Variants in SEPTIN11 observed in about 807,000 individuals in gnomAD.
SEPTIN11 encodes septin-11.
SEPTIN11 carries 25 observed loss-of-function variants against 51.4 expected under a neutral mutation model. That is an observed-to-expected ratio of 0.49 (90% CI 0.35 to 0.68). SEPTIN11 has a LOEUF of 0.68. SEPTIN11 is among the 30% of genes least tolerant of loss of function. The pLI is 0.00. For missense variants in SEPTIN11, 381 were observed against 520.8 expected, an observed-to-expected ratio of 0.73 and a Z score of 2.61; for synonymous variants, 174 against 184.1, an observed-to-expected ratio of 0.95 and a Z score of 0.44.
At chr4:77,029,636 C>T (rs1344536389) in intron 8 of SEPTIN11, among the ~76,000 whole-genome samples, 2 of 151,750 alleles carry the variant, frequency 1.3e-5, no homozygotes, top group Non-Finnish European at 2.9e-5. Flanking sequence ...TCTAGAATTC[C>T]TTCCTTTCCT....
intron 7 of SEPTIN11, chr4:77,020,906 GAAAGTGTAAA>G: frequency 2.1e-6 from 1 of 487,272 alleles, no homozygotes; most frequent in Middle Eastern, 5.5e-4. Context: ...CAAAGGCACT[GAAAGTGTAAA>G]CAAACTGCCC....
In SEPTIN11 at chr4:76,949,889, G is replaced by T; in HGVS notation, c.-15G>T. ...AAAGCACCCGGGCGCAGCCGGAGCC[G>T]GTGCCGCAGCTGCGATGGCCGTGGC... is the stretch of plus-strand genomic sequence containing the variant. On this transcript the variant is annotated 5_prime_UTR_variant, in exon 1 of 10. Transcript: ENST00000264893. The T allele has an allele frequency of 6.5e-7, 1 of 1,527,892 alleles. No individual in the cohort carries two copies. The allele number at this position is 1,527,892 out of a possible 1,614,324, so 94.6% of individuals were successfully genotyped here.
At chr4:77,012,766 G>A (rs1435620538) in intron 4 of SEPTIN11, among the ~76,000 whole-genome samples, 6 of 152,214 alleles carry the variant, frequency 3.9e-5, no homozygotes, top group Non-Finnish European at 7.3e-5. Context: ...CTGTCCCCAA[G>A]GCCTCTGTCT....
In SEPTIN11 at chr4:77,020,641, G is replaced by A. The variant is rs1725650442; in HGVS notation, c.924G>A (p.Lys308=). 1 of 1,614,058 alleles carries A rather than the reference G, an allele frequency of 6.2e-7. No individual in the cohort carries two copies. Among genetic ancestry groups the A allele is most frequent in the Non-Finnish European group, 8.5e-7 (1 of 1,179,988 alleles). ...GTAAGCTTGAAGAGATGGGGTTCAA[G>A]GACACTGACCCTGACAGCAAACCCT... is the stretch of plus-strand genomic sequence containing the variant. ...RRCKLEEMGF[K]DTDPDSKPFS... The change falls in exon 7 of 10, where the codon AAG becomes AAA. Residue 308 remains lysine (K), a synonymous_variant. Coordinates refer to ENST00000264893, the MANE Select transcript of SEPTIN11 (RefSeq NM_018243.4).
intron 1 of SEPTIN11, chr4:76,995,669 G>T: frequency 1.1e-6 from 1 of 925,222 alleles, no homozygotes; most frequent in South Asian, 2.4e-5. Flanking sequence ...TCAAAGTTGT[G>T]GGGGCAGCCA....
intron 1 of SEPTIN11, among the ~76,000 whole-genome samples, chr4:76,979,309 G>C (rs1216443814): frequency 6.6e-6 from 1 of 152,208 alleles, no homozygotes; most frequent in East Asian, 1.9e-4. Flanking sequence ...AACCAGGGAA[G>C]GCTTAGTGAA....
intron 1 of SEPTIN11, among the ~76,000 whole-genome samples, chr4:76,967,004 C>G (rs1350266056): frequency 6.6e-6 from 1 of 152,034 alleles, no homozygotes; most frequent in Non-Finnish European, 1.5e-5. Flanking sequence ...TGAGACCAGC[C>G]TGGCCAACAT....
At chr4:77,032,037 T>C (rs1456586621) in intron 9 of SEPTIN11, 1 of 152,198 alleles carries the variant, frequency 6.6e-6, no homozygotes, top group Non-Finnish European at 1.5e-5. Context: ...AATTGAGATG[T>C]GTTATAGGGA....
At chr4:77,029,767 T>TACACACACAC (rs1382556066) in intron 8 of SEPTIN11, among the ~76,000 whole-genome samples, 2 of 150,910 alleles carry the variant, frequency 1.3e-5, no homozygotes, top group African/African-American at 4.9e-5. Context: ...TATATATATA[T>TACACACACAC]ACACACACAC....
chr4:77,019,846 A>G (rs1725571991), intron 6 of SEPTIN11, among the ~76,000 whole-genome samples: 1 of 152,228 alleles, frequency 6.6e-6, no homozygotes, highest in Non-Finnish European at 1.5e-5. Context: ...GGATGGCTAA[A>G]GAAAGTTCTT....
Position 77,035,204 on chromosome 4 carries a change from AGTTCACATTTACTG to A in SEPTIN11, c.*695_*708del. 1 of 985,446 alleles carries A rather than the reference AGTTCACATTTACTG, an allele frequency of 1.0e-6. No homozygotes were observed. Among genetic ancestry groups the A allele is most frequent in the Non-Finnish European group, 1.2e-6 (1 of 829,936 alleles). The allele number at this position is 985,446 out of a possible 1,614,324, so 61.0% of individuals were successfully genotyped here. ...AGACTGGTATGAGAAAACTATGATT[AGTTCACATTTACTG>A]GTGCATCCTTGATCCTCTCACAGAT... On this transcript the variant is annotated 3_prime_UTR_variant, in exon 10 of 10. Coordinates refer to ENST00000264893, the MANE Select transcript of SEPTIN11 (RefSeq NM_018243.4).
intron 5 of SEPTIN11, among the ~76,000 whole-genome samples, chr4:77,016,611 T>TACACACATATATATATAC (rs535121576): frequency 1.2e-5 from 1 of 82,886 alleles, no homozygotes; most frequent in Non-Finnish European, 2.2e-5. Context: ...TATATATATA[T>TACACACATATATATATAC]ACACATATAT....
At chr4:77,004,067 C>G (rs1405337118) in intron 2 of SEPTIN11, among the ~76,000 whole-genome samples, 1 of 152,204 alleles carries the variant, frequency 6.6e-6, no homozygotes, top group East Asian at 1.9e-4. Context: ...CCACCACGAA[C>G]ATAAGGCTGT....
At chr4:76,986,451 A>T (rs746318433) in intron 1 of SEPTIN11, among the ~76,000 whole-genome samples, 1 of 152,202 alleles carries the variant, frequency 6.6e-6, no homozygotes, top group Non-Finnish European at 1.5e-5. Context: ...ATGGGCAAGG[A>T]TGGGCAAGAA....
At chr4:76,958,787 G>T in intron 1 of SEPTIN11, 1 of 941,668 alleles carries the variant, frequency 1.1e-6, no homozygotes, top group Non-Finnish European at 1.6e-6. Context: ...CATACTTTAT[G>T]TTTTTTGTAA....
intron 2 of SEPTIN11, among the ~76,000 whole-genome samples, chr4:77,001,615 G>T (rs939078846): frequency 6.6e-6 from 1 of 152,172 alleles, no homozygotes; most frequent in Non-Finnish European, 1.5e-5. Context: ...CTCCCAGAGT[G>T]TTGAGATTAC....
In SEPTIN11 at chr4:77,011,940, A is replaced by G; in HGVS notation, c.525+19A>G. On this transcript the variant is annotated intron_variant, in intron 4 of 9. Transcript: ENST00000264893. ...CAGTAAGGTACTTGCTGCCATTCTG[A>G]TTATCATCCACTCTCCTTTTAGATC... 1 of 1,604,892 alleles carries G rather than the reference A, an allele frequency of 6.2e-7. No homozygotes were observed. The highest frequency in any genetic ancestry group is 8.5e-7 in the Non-Finnish European group (1 of 1,172,286).
chr4:77,024,507 T>C lies in SEPTIN11; in HGVS notation c.953+3837T>C, dbSNP rs558619186. 2.5e-4 allele frequency among the ~76,000 whole-genome samples: 38 copies of C among 152,234 alleles called. No individual in the cohort carries two copies. The highest frequency in any genetic ancestry group is 3.4e-3 in the Middle Eastern group (1 of 294). On this transcript the variant is annotated intron_variant, in intron 7 of 9. Coordinates refer to ENST00000264893, the MANE Select transcript of SEPTIN11 (RefSeq NM_018243.4). The surrounding 1 kb of genome is among the most constrained non-coding windows in gnomAD (Gnocchi z 4.2). ...ACGTCACGTGTCTCCCATGAGCCAC[T>C]CCCTGCTTCCTTTCTCCTGAGAGGC...
At chr4:76,987,430 G>C (rs1297044860) in intron 1 of SEPTIN11, among the ~76,000 whole-genome samples, 4 of 152,088 alleles carry the variant, frequency 2.6e-5, no homozygotes, top group Admixed American at 2.6e-4. Flanking sequence ...TAATGAGATG[G>C]TCCAGACATT....
Sources: allele counts gnomAD v4.1 joint callset (sites outside exome capture counted in the v4.1 genomes callset), GRCh38; gene constraint gnomAD v4.1.1; non-coding constraint Gnocchi (gnomAD v3.1); transcripts MANE v1.5; gene names NCBI Gene and HGNC (gene_info 2026-07-23, HGNC 2026-07-21).